Variants in RABGAP1L observed in about 807,000 individuals in gnomAD.
RABGAP1L encodes the protein rab GTPase-activating protein 1-like.
A neutral mutation model predicts 137.7 loss-of-function variants in RABGAP1L; 63 were observed. The ratio of observed to expected loss-of-function variants is 0.46; its 90% CI spans 0.37 to 0.56. The LOEUF is 0.56. Among genes scored for constraint, RABGAP1L ranks in the 20% least tolerant of loss-of-function variants. The probability of loss-of-function intolerance (pLI) is 0.00; values close to 1 mark genes in which losing one functional copy is unlikely to be tolerated. For missense variants in RABGAP1L, 1,095 were observed against 1,244.0 expected, an observed-to-expected ratio of 0.88 and a Z score of 1.80; for synonymous variants, 431 against 433.7, an observed-to-expected ratio of 0.99 and a Z score of 0.08.
chr1:174,297,525 G>C (rs746109629), intron 10 of RABGAP1L, among the ~76,000 whole-genome samples: 2 of 152,134 alleles, frequency 1.3e-5, no homozygotes, highest in African/African-American at 4.8e-5. Flanking sequence ...TTTCTGGGGC[G>C]GCCCTTGCAC....
intron 1 of RABGAP1L, among the ~76,000 whole-genome samples, chr1:174,204,202 C>T (rs1668337116): frequency 6.6e-6 from 1 of 152,172 alleles, no homozygotes; most frequent in African/African-American, 2.4e-5. Flanking sequence ...CTGCCCACCT[C>T]AGCCTCCCAA....
intron 5 of RABGAP1L, among the ~76,000 whole-genome samples, chr1:174,247,681 A>T (rs1571763739): frequency 6.6e-6 from 1 of 152,146 alleles, no homozygotes; most frequent in African/African-American, 2.4e-5. Flanking sequence ...GGTGCCCTGC[A>T]TTTGCATATG....
intron 13 of RABGAP1L, among the ~76,000 whole-genome samples, chr1:174,471,743 C>T (rs1304417875): frequency 6.6e-6 from 1 of 152,114 alleles, no homozygotes; most frequent in Non-Finnish European, 1.5e-5. Flanking sequence ...CTGCAGCGTG[C>T]AGAATTTATT....
At position 174,761,597 on chromosome 1, in the gene RABGAP1L, C is replaced by A. The variant is rs1387591091; in HGVS notation, c.2211+9243C>A. Among the ~76,000 whole-genome samples the A allele has an allele frequency of 6.6e-6, 1 of 151,096 alleles. No individual in the cohort carries two copies. The highest frequency in any genetic ancestry group is 2.4e-5 in the African/African-American group (1 of 41,066). On this transcript the variant is annotated intron_variant, in intron 18 of 25. Transcript: ENST00000681986. This position sits in a 1 kb window ranked among gnomAD's most constrained non-coding sequence, Gnocchi z 4.0. ...CTCCTCATTTTTCAGACGGTGCGGC[C>A]GCCAGGCAGAGGCACTCCTCACTTC...
chr1:174,328,587 C>T (rs1414190416), intron 11 of RABGAP1L, among the ~76,000 whole-genome samples: 3 of 152,006 alleles, frequency 2.0e-5, no homozygotes, highest in Non-Finnish European at 2.9e-5. Flanking sequence ...CTGGCCAACA[C>T]AGTGAAATCC....
intron 17 of RABGAP1L, among the ~76,000 whole-genome samples, chr1:174,750,928 G>A (rs1441792514): frequency 6.6e-6 from 1 of 152,132 alleles, no homozygotes; most frequent in Non-Finnish European, 1.5e-5. Context: ...GCTAGTGGGT[G>A]AGAAGTCAAA....
At chr1:174,933,862 C>T (rs1373031669) in intron 19 of RABGAP1L, among the ~76,000 whole-genome samples, 1 of 152,098 alleles carries the variant, frequency 6.6e-6, no homozygotes, top group Non-Finnish European at 1.5e-5. Flanking sequence ...TGAAGTCCTC[C>T]CATATGGATC....
At chr1:174,407,983 T>C (rs1412302661) in intron 13 of RABGAP1L, among the ~76,000 whole-genome samples, 2 of 152,182 alleles carry the variant, frequency 1.3e-5, no homozygotes, top group African/African-American at 4.8e-5. Context: ...CGAGATGGGG[T>C]TGAAAATTTT....
chr1:174,270,594 A>G (rs1199364417), intron 7 of RABGAP1L, among the ~76,000 whole-genome samples: 4 of 152,000 alleles, frequency 2.6e-5, no homozygotes, highest in African/African-American at 9.7e-5. Flanking sequence ...TTATGCCTAT[A>G]AAAATAAAAA....
rs1666218450 is a variant in RABGAP1L, at chr1:174,548,763, A to G, written c.1711-88612A>G. Among the ~76,000 whole-genome samples the G allele has an allele frequency of 2.6e-5, 4 of 152,178 alleles. No homozygotes were observed. The South Asian group carries it at 8.3e-4, about 31-fold the overall frequency. On this transcript the variant is annotated intron_variant, in intron 13 of 25. Transcript: ENST00000681986. The stretch of plus-strand genomic sequence containing the variant: ...TTCCTGATTTTTAAGTTTAACATTC[A>G]GTAATTATTTGATGTTTATTTTAGC...
intron 12 of RABGAP1L, among the ~76,000 whole-genome samples, chr1:174,385,291 C>T (rs573668806): frequency 1.3e-5 from 2 of 152,268 alleles, no homozygotes; most frequent in South Asian, 4.1e-4. Context: ...TAACTGGCCA[C>T]TGATGTCAGA....
At chr1:174,679,389 A>C (rs773802313) in intron 14 of RABGAP1L, among the ~76,000 whole-genome samples, 6 of 152,210 alleles carry the variant, frequency 3.9e-5, no homozygotes, top group Non-Finnish European at 8.8e-5. Context: ...ATAGAAGATA[A>C]AACATGCTCA....
intron 19 of RABGAP1L, among the ~76,000 whole-genome samples, chr1:174,854,657 A>T (rs981210209): frequency 2.1e-5 from 3 of 145,626 alleles, no homozygotes; most frequent in Non-Finnish European, 4.5e-5. Flanking sequence ...CCACCAGTGA[A>T]TTTGAAAAAA....
chr1:174,789,183 A>G (rs1228663859), intron 18 of RABGAP1L, among the ~76,000 whole-genome samples: 4 of 152,204 alleles, frequency 2.6e-5, no homozygotes, highest in Non-Finnish European at 2.9e-5. Context: ...AGCTACTTGC[A>G]TGTCTAAAAT....
chr1:174,669,993 A>C (rs1440504661), intron 14 of RABGAP1L, among the ~76,000 whole-genome samples: 1 of 151,954 alleles, frequency 6.6e-6, no homozygotes, highest in East Asian at 1.9e-4. Context: ...AATCTTAAAG[A>C]TTTATTTTTC....
At chr1:174,321,445 A>G (rs1294218841) in intron 11 of RABGAP1L, among the ~76,000 whole-genome samples, 2 of 152,110 alleles carry the variant, frequency 1.3e-5, no homozygotes, top group African/African-American at 4.8e-5. Context: ...CTTGGGGGGC[A>G]TCATGGAAAC....
chr1:174,933,846 T>C (rs1558250086), intron 19 of RABGAP1L, among the ~76,000 whole-genome samples: 1 of 152,124 alleles, frequency 6.6e-6, no homozygotes, highest in Non-Finnish European at 1.5e-5. Context: ...GGAGCCATCC[T>C]AGAAATGAAG....
At chr1:174,321,401 GAAAATTGCT>G (rs1308997290) in intron 11 of RABGAP1L, among the ~76,000 whole-genome samples, 1 of 152,070 alleles carries the variant, frequency 6.6e-6, no homozygotes, top group African/African-American at 2.4e-5. Flanking sequence ...CCTCCCCTTT[GAAAATTGCT>G]AATAAAAACT....
intron 13 of RABGAP1L, among the ~76,000 whole-genome samples, chr1:174,435,492 C>G (rs1653153908): frequency 6.6e-6 from 1 of 151,902 alleles, no homozygotes. Context: ...GAAGATTATT[C>G]AAATTTTTCT....
Sources: allele counts gnomAD v4.1 joint callset (sites outside exome capture counted in the v4.1 genomes callset), GRCh38; gene constraint gnomAD v4.1.1; non-coding constraint Gnocchi (gnomAD v3.1); transcripts MANE v1.5; gene names NCBI Gene and HGNC (gene_info 2026-07-23, HGNC 2026-07-21).